Variants in HAS3 observed in about 807,000 individuals in gnomAD.
The protein encoded by HAS3 is HA synthase 3.
Under a neutral mutation model 50.3 loss-of-function variants are expected in HAS3, and 27 were observed. The ratio of observed to expected loss-of-function variants is 0.54; its 90% CI spans 0.40 to 0.74. The LOEUF is 0.74. Among genes scored for constraint, HAS3 ranks in the 30% least tolerant of loss-of-function variants. HAS3 has a pLI of 0.00. For synonymous variants in HAS3, 339 were observed against 310.9 expected (o/e 1.09, Z -0.95); for missense variants, 517 against 742.8 (o/e 0.70, Z 3.53).
chr16:69,115,670 C>T lies in HAS3; in HGVS notation c.*404C>T. 1 of 995,162 alleles carries T rather than the reference C, an allele frequency of 1.0e-6. No homozygotes were observed. Among genetic ancestry groups the T allele is most frequent in the Non-Finnish European group, 1.2e-6 (1 of 836,794 alleles). 61.6% of individuals were successfully genotyped at this position (995,162 alleles called of 1,614,324 possible). On this transcript the variant is annotated 3_prime_UTR_variant, in exon 4 of 4. Transcript: ENST00000569188. ...TTCTCCCAGCCCATCTGAACACAAC[C>T]AGAGGTGGCAGGAGAATTTCTACTG...
Position 69,116,785 on chromosome 16 carries a change from G to A in HAS3, c.*1519G>A. On this transcript the variant is annotated 3_prime_UTR_variant, in exon 4 of 4. Transcript: ENST00000569188. ...CTCAGCGTTTTGAGTTTAAAACCTG[G>A]GATCCTGACTAAGCCTTTGACTTAA... 6 of 985,340 alleles carry A rather than the reference G, an allele frequency of 6.1e-6. No individual in the cohort carries two copies. Among genetic ancestry groups the A allele is most frequent in the Non-Finnish European group, 7.2e-6 (6 of 829,922 alleles). The allele number at this position is 985,340 out of a possible 1,614,324, so 61.0% of individuals were successfully genotyped here.
At chr16:69,112,681 A>T (rs1440831377) in intron 2 of HAS3, among the ~76,000 whole-genome samples, 1 of 152,202 alleles carries the variant, frequency 6.6e-6, no homozygotes, top group Non-Finnish European at 1.5e-5. Flanking sequence ...ATTTTTTAGA[A>T]ACCAGAAAAG....
chr16:69,098,021 T>C, the HAS3 span, among the ~76,000 whole-genome samples: 1 of 152,204 alleles, frequency 6.6e-6, no homozygotes, highest in East Asian at 1.9e-4. Context: ...CACTGTAAAC[T>C]GAGGTTGTGA....
chr16:69,117,261 T>G lies in HAS3; in HGVS notation c.*1995T>G. On this transcript the variant is annotated 3_prime_UTR_variant, in exon 4 of 4. Coordinates refer to ENST00000569188, the MANE Select transcript of HAS3 (RefSeq NM_001199280.2). ...TTTTCTTCAGCATTTACTTGAAGAT[T>G]AATGTAGGATGACAGGCTCTCCTGG... 2.0e-6 allele frequency: 2 copies of G among 985,810 alleles called. No individual in the cohort carries two copies. The highest frequency in any genetic ancestry group is 2.4e-6 in the Non-Finnish European group (2 of 829,852). 61.1% of individuals were successfully genotyped at this position (985,810 alleles called of 1,614,324 possible).
chr16:69,106,700 C>T lies in HAS3; in HGVS notation c.-1+913C>T, dbSNP rs1418699175. On this transcript the variant is annotated intron_variant, in intron 1 of 3. Transcript: ENST00000569188. The surrounding 1 kb of genome is among the most constrained non-coding windows in gnomAD (Gnocchi z 5.5). ...TCTACGACCTCCCGGGGGTTTGCACCTGTCCGGGCACCAAGGTACCAGGCG... is the reference window on the plus strand; with the variant it reads ...TCTACGACCTCCCGGGGGTTTGCACTTGTCCGGGCACCAAGGTACCAGGCG... 6.6e-6 allele frequency: 1 copy of T among 152,250 alleles called. No individual in the cohort carries two copies. Among genetic ancestry groups the T allele is most frequent in the Non-Finnish European group, 1.5e-5 (1 of 68,082 alleles). The allele number at this position is 152,250 out of a possible 1,614,324, so 9.4% of individuals were successfully genotyped here.
the HAS3 span, chr16:69,084,244 C>T: frequency 6.6e-6 from 1 of 152,336 alleles, no homozygotes; most frequent in East Asian, 1.9e-4. Flanking sequence ...CCTCTGGTGT[C>T]GAGATGGAAA....
the HAS3 span, among the ~76,000 whole-genome samples, chr16:69,096,939 T>C: frequency 1.3e-5 from 2 of 152,016 alleles, no homozygotes; most frequent in Middle Eastern, 3.4e-3. Context: ...GGAAGATCGC[T>C]TGATCCCAGG....
downstream of HAS3, chr16:69,118,439 C>T (rs748999971): frequency 1.2e-5 from 19 of 1,610,414 alleles, no homozygotes; most frequent in Middle Eastern, 1.7e-4. Context: ...CGTTCACCAA[C>T]GCCACGTTTC....
At chr16:69,085,954 C>T in the HAS3 span, among the ~76,000 whole-genome samples, 2 of 151,598 alleles carry the variant, frequency 1.3e-5, no homozygotes, top group Non-Finnish European at 2.9e-5. Flanking sequence ...GCAGCCTTGA[C>T]CTCCTGGGCT....
chr16:69,116,606 C>T lies in HAS3; in HGVS notation c.*1340C>T, dbSNP rs150871121. On this transcript the variant is annotated 3_prime_UTR_variant, in exon 4 of 4. Transcript: ENST00000569188. ...GTCACTGCATTTGCCTGCTTCTTTC[C>T]AGAAACCAAACTAGGAGATGAAACT... The T allele has an allele frequency of 4.7e-5, 46 of 985,644 alleles. No homozygotes were observed. Among genetic ancestry groups the T allele is most frequent in the Non-Finnish European group, 5.2e-5 (43 of 829,950 alleles). 61.1% of individuals were successfully genotyped at this position (985,644 alleles called of 1,614,324 possible).
intron 1 of HAS3, among the ~76,000 whole-genome samples, chr16:69,108,775 G>A (rs910705485): frequency 1.3e-4 from 20 of 152,248 alleles, no homozygotes; most frequent in Admixed American, 1.2e-3. Context: ...CACAGGGAAA[G>A]TTTCTCTAAT....
chr16:69,110,864 T>C (rs1960977643), intron 2 of HAS3, among the ~76,000 whole-genome samples: 1 of 152,124 alleles, frequency 6.6e-6, no homozygotes, highest in African/African-American at 2.4e-5. Context: ...ACTCAAAATA[T>C]TCTAGTTATG....
At chr16:69,100,156 C>T in the HAS3 span, among the ~76,000 whole-genome samples, 1 of 152,108 alleles carries the variant, frequency 6.6e-6, no homozygotes, top group Non-Finnish European at 1.5e-5. Context: ...AAACATAGCA[C>T]CTGGAAATGG....
chr16:69,084,323 A>C, the HAS3 span: 1 of 152,354 alleles, frequency 6.6e-6, no homozygotes, highest in Admixed American at 6.5e-5. Context: ...CCAGAGAAGA[A>C]GGGTAAGCCC....
chr16:69,088,651 C>G, the HAS3 span, among the ~76,000 whole-genome samples: 1 of 151,208 alleles, frequency 6.6e-6, no homozygotes, highest in South Asian at 2.1e-4. Context: ...AGCGTGGGAA[C>G]AGTAAGTTGA....
chr16:69,105,957 G>T (rs1280362658), intron 1 of HAS3, among the ~76,000 whole-genome samples, 170 bp downstream of exon 1: 1 of 152,240 alleles, frequency 6.6e-6, no homozygotes, highest in African/African-American at 2.4e-5. Flanking sequence ...GCAGAGCCGC[G>T]TGGCCTTCGG....
the HAS3 span, among the ~76,000 whole-genome samples, chr16:69,088,125 C>T: frequency 5.3e-5 from 8 of 152,126 alleles, no homozygotes; most frequent in Admixed American, 4.6e-4. Flanking sequence ...CCACAAGCAA[C>T]GACAACGATT....
upstream of HAS3, among the ~76,000 whole-genome samples, chr16:69,101,131 C>G (rs1273357844): frequency 6.6e-6 from 1 of 152,180 alleles, no homozygotes; most frequent in Non-Finnish European, 1.5e-5. Context: ...CTTGCTCAGA[C>G]ATGTTCGGTA....
Position 69,113,436 on chromosome 16 carries a change from T to G in HAS3, c.637-5T>G. 6.2e-7 allele frequency: 1 copy of G among 1,601,282 alleles called. No homozygotes were observed. The highest frequency in any genetic ancestry group is 8.6e-7 in the Non-Finnish European group (1 of 1,168,398). Reference sequence around the variant, plus strand: ...GAATGGGCTGACGACGCACTCCCTCTGCAGGTGTGCGACTCTGACACTGTG... The same window carrying G: ...GAATGGGCTGACGACGCACTCCCTCGGCAGGTGTGCGACTCTGACACTGTG... On this transcript the variant is annotated splice_region_variant and splice_polypyrimidine_tract_variant and intron_variant, in intron 2 of 3. Transcript: ENST00000569188.
Sources: gnomAD v4.1 joint callset for allele counts (sites outside exome capture counted in the v4.1 genomes callset) on GRCh38, gnomAD v4.1.1 for gene constraint, Gnocchi (gnomAD v3.1) non-coding constraint, MANE v1.5 for transcripts, NCBI Gene and HGNC (gene_info 2026-07-23, HGNC 2026-07-21) for gene names.